The following WDR19 variants were observed in gnomAD, a reference collection of about 807,000 sequenced individuals.
WDR19 encodes the protein WD repeat-containing protein 19.
A neutral mutation model predicts 180.0 loss-of-function variants in WDR19; 121 were observed. That is an observed-to-expected ratio of 0.67 (90% confidence interval 0.58 to 0.78). The LOEUF (loss-of-function observed/expected upper bound fraction) is 0.78, where lower values mean the gene tolerates loss of function less well. Among genes scored for constraint, WDR19 ranks in the 30% least tolerant of loss-of-function variants. The pLI is 0.00. For synonymous variants in WDR19, 497 were observed against 540.7 expected (o/e 0.92, Z 1.12); for missense variants, 1,450 against 1,640.7 (o/e 0.88, Z 2.01).
chr4:39,199,281 A>C (rs1727122489), intron 5 of WDR19, among the ~76,000 whole-genome samples, 197 bp from the exon 6 acceptor site: 1 of 152,246 alleles, frequency 6.6e-6, no homozygotes, highest in Admixed American at 6.5e-5. Flanking sequence ...AAAAATTTGG[A>C]AAACAGTAAT....
intron 5 of WDR19, among the ~76,000 whole-genome samples, chr4:39,195,392 A>AAC (rs369043575): frequency 8.5e-6 from 1 of 117,046 alleles, no homozygotes. Flanking sequence ...AAAAACAAAC[A>AAC]AACAAAAAAA....
chr4:39,240,202 A>AT, intron 20 of WDR19, 75 bp from the exon 21 acceptor site: 52 of 438,546 alleles, frequency 1.2e-4, no homozygotes, highest in Non-Finnish European at 1.5e-4. Context: ...AAAAAAAAAA[A>AT]GGAAAAAGTA....
At chr4:39,215,731 A>G in intron 10 of WDR19, 110 bp from the exon 11 acceptor site, 1 of 1,162,870 alleles carries the variant, frequency 8.6e-7, no homozygotes, top group South Asian at 1.9e-5. Context: ...ACTAGTAAGG[A>G]AAATATTTGA....
At chr4:39,256,549 G>A (rs1031240711) in intron 27 of WDR19, among the ~76,000 whole-genome samples, 4 of 152,100 alleles carry the variant, frequency 2.6e-5, no homozygotes, top group African/African-American at 9.7e-5. Flanking sequence ...GGAAGCTTGG[G>A]GCTGCCAGTT....
rs1259149644 is a variant in WDR19 at position 39,244,293 on chromosome 4, A to G, written c.2467A>G (p.Arg823Gly). The part of the protein sequence containing the change: ...CLAGVAQMSI[R>G]MGDIRRGVNQ... ...GGCTGGAGTGGCCCAGATGTCCATA[A>G]GAATGGGAGACATACGTCGAGGGGT... Residue 823 changes from arginine (R) to glycine (G), a missense_variant, in exon 22 of 37, where the codon AGA becomes GGA. Arg to Gly is a moderately radical substitution (Grantham distance 125, BLOSUM62 -2). Transcript: ENST00000399820. 3 of 1,613,948 alleles carry G rather than the reference A, an allele frequency of 1.9e-6. No homozygotes were observed. In the South Asian group the frequency reaches 3.3e-5, roughly 18 times the overall value.
chr4:39,214,251 A>G (rs951571465), intron 9 of WDR19, among the ~76,000 whole-genome samples: 6 of 152,194 alleles, frequency 3.9e-5, no homozygotes, highest in Non-Finnish European at 7.4e-5. Flanking sequence ...GTATCATCTT[A>G]CAATAATTAA....
At chr4:39,217,357 T>G in intron 13 of WDR19, 117 bp downstream of exon 13, 1 of 801,042 alleles carries the variant, frequency 1.2e-6, no homozygotes, top group East Asian at 2.8e-5. Flanking sequence ...GAAAGCCAAG[T>G]GTGAGTAAAG....
intron 28 of WDR19, among the ~76,000 whole-genome samples, chr4:39,258,402 C>A (rs1733966626): frequency 6.6e-6 from 1 of 152,164 alleles, no homozygotes; most frequent in African/African-American, 2.4e-5. Flanking sequence ...CTGCCCACGT[C>A]AGCCTCCCAA....
intron 24 of WDR19, among the ~76,000 whole-genome samples, chr4:39,248,148 G>A (rs1399680310): frequency 6.6e-6 from 1 of 152,224 alleles, no homozygotes; most frequent in Non-Finnish European, 1.5e-5. Context: ...ACTAACAGCT[G>A]ATCTCTTGGC....
At chr4:39,231,528 A>T (rs1464617929) in intron 17 of WDR19, among the ~76,000 whole-genome samples, 1 of 152,240 alleles carries the variant, frequency 6.6e-6, no homozygotes, top group Non-Finnish European at 1.5e-5. Flanking sequence ...AATAAAAAGA[A>T]ATAAATGAAT....
chr4:39,197,783 C>A (rs555926179), intron 5 of WDR19, among the ~76,000 whole-genome samples: 2 of 152,276 alleles, frequency 1.3e-5, no homozygotes, highest in Admixed American at 1.3e-4. Context: ...TACTGAGGTG[C>A]ATTCAAACAG....
intron 19 of WDR19, among the ~76,000 whole-genome samples, chr4:39,234,430 T>A (rs1219626978): frequency 6.6e-6 from 1 of 152,198 alleles, no homozygotes; most frequent in Admixed American, 6.5e-5. Context: ...TTAATTTAAT[T>A]GATTACATTA....
intron 15 of WDR19, 102 bp downstream of exon 15, chr4:39,225,135 C>A: frequency 5.6e-6 from 5 of 889,202 alleles, no homozygotes; most frequent in South Asian, 3.1e-5. Context: ...TAATTAGTGC[C>A]AAGGATTGTA....
chr4:39,253,091 T>C lies in WDR19; in HGVS notation c.2730-55T>C. 3.3e-6 allele frequency: 5 copies of C among 1,505,958 alleles called. No individual in the cohort carries two copies. The South Asian group carries it at 6.8e-5, about 21-fold the overall frequency. The allele number at this position is 1,505,958 out of a possible 1,614,324, so 93.3% of individuals were successfully genotyped here. On this transcript the variant is annotated intron_variant, in intron 24 of 36. Coordinates refer to ENST00000399820, the MANE Select transcript of WDR19 (RefSeq NM_025132.4). ...AAGTGTCCTAAACATTTATCAACAT[T>C]TTCTCCCCAAATTGACAGTGTTAAA...
chr4:39,206,866 G>C (rs1728009110), intron 9 of WDR19, among the ~76,000 whole-genome samples: 1 of 152,190 alleles, frequency 6.6e-6, no homozygotes, highest in Non-Finnish European at 1.5e-5. Context: ...CTTGTGGCCT[G>C]AACCCAGCCA....
At chr4:39,184,841 C>T (rs1725344260) in intron 1 of WDR19, among the ~76,000 whole-genome samples, 1 of 152,038 alleles carries the variant, frequency 6.6e-6, no homozygotes, top group Admixed American at 6.6e-5. Flanking sequence ...ACTCATATTC[C>T]TAAATGTTCT....
chr4:39,282,690 G>GCA (rs1736679390), intron 36 of WDR19, among the ~76,000 whole-genome samples: 1 of 152,176 alleles, frequency 6.6e-6, no homozygotes, highest in Non-Finnish European at 1.5e-5. Flanking sequence ...GAGCCACCGT[G>GCA]CCCGGCCTAT....
intron 24 of WDR19, among the ~76,000 whole-genome samples, chr4:39,249,302 C>T (rs1262655465): frequency 6.6e-6 from 1 of 151,564 alleles, no homozygotes; most frequent in African/African-American, 2.4e-5. Flanking sequence ...CCAACGAGAA[C>T]AAAGACACAA....
At position 39,266,106 on chromosome 4, in the gene WDR19, A is replaced by G; in HGVS notation, c.3227A>G (p.Asp1076Gly). The change falls in exon 29 of 37, where the codon GAC (aspartate) becomes GGC (glycine). Residue 1076 changes from aspartate (D) to glycine (G), a missense_variant. Coordinates refer to ENST00000399820, the MANE Select transcript of WDR19 (RefSeq NM_025132.4). ...GAACTGCTGACCAATCAGCTGATAG[A>G]CCATCTCCTGGGGGAGAACGATGGC... ...KDELLTNQLI[D>G]HLLGENDGMP... The G allele has an allele frequency of 6.4e-7, 1 of 1,562,586 alleles. No homozygotes were observed. Among genetic ancestry groups the G allele is most frequent in the South Asian group, 1.2e-5 (1 of 84,452 alleles).
Sources: allele counts gnomAD v4.1 joint callset (sites outside exome capture counted in the v4.1 genomes callset), GRCh38; gene constraint gnomAD v4.1.1; transcripts MANE v1.5; gene names NCBI Gene and HGNC (gene_info 2026-07-23, HGNC 2026-07-21).